Variants in DIAPH1 observed in about 807,000 individuals in gnomAD.
DIAPH1 encodes the protein diaphanous related formin 1, also known as protein diaphanous homolog 1.
In DIAPH1, 46 loss-of-function variants were observed where a neutral mutation model predicts 140.7. That is an observed-to-expected ratio of 0.33 (90% CI 0.26 to 0.42). The LOEUF is 0.42. Among genes scored for constraint, DIAPH1 ranks in the 10% least tolerant of loss-of-function variants. The probability of loss-of-function intolerance (pLI) is 1.00; values close to 1 mark genes in which losing one functional copy is unlikely to be tolerated. For synonymous variants in DIAPH1, 565 were observed against 551.6 expected (o/e 1.02, Z -0.34); for missense variants, 1,310 against 1,558.7 (o/e 0.84, Z 2.69).
intron 18 of DIAPH1, among the ~76,000 whole-genome samples, chr5:141,566,022 C>A (rs1482895695): frequency 6.6e-6 from 1 of 152,118 alleles, no homozygotes; most frequent in Non-Finnish European, 1.5e-5. Flanking sequence ...AAGAACAAAA[C>A]CCAAGCGAAT....
intron 18 of DIAPH1, among the ~76,000 whole-genome samples, chr5:141,553,637 C>G (rs1373071098): frequency 6.6e-6 from 1 of 151,756 alleles, no homozygotes; most frequent in Non-Finnish European, 1.5e-5. Flanking sequence ...GAGCAAAACT[C>G]TATCTCAAAA....
chr5:141,553,843 G>C (rs2099892132), intron 18 of DIAPH1, among the ~76,000 whole-genome samples: 1 of 152,034 alleles, frequency 6.6e-6, no homozygotes, highest in Non-Finnish European at 1.5e-5. Context: ...CAACAGTTTT[G>C]GCTTAAAACA....
intron 18 of DIAPH1, chr5:141,563,577 C>G (rs2099893922): frequency 6.6e-6 from 1 of 152,152 alleles, no homozygotes. Flanking sequence ...TTAAGTAATA[C>G]TGACCCCCCA....
chr5:141,527,699 T>TAAAAAAAAGAAAAAAAAAA lies in DIAPH1; in HGVS notation c.3149-3_3149-2insTTTTTTTTTTCTTTTTTTT. Reference sequence around the variant, plus strand: ...TCTTTTGCAAGTTTTCAGCAGAAACTAAAAAAAAAAAAAAAAAAAAAAACC... The same window carrying TAAAAAAAAGAAAAAAAAAA: ...TCTTTTGCAAGTTTTCAGCAGAAACTAAAAAAAAGAAAAAAAAAAAAAAAAAAAAAAAAAAAAAAAAACC... On this transcript the variant is annotated splice_polypyrimidine_tract_variant and splice_region_variant and intron_variant, in intron 23 of 27. Transcript: ENST00000389054. 1 of 1,130,080 alleles carries TAAAAAAAAGAAAAAAAAAA rather than the reference T, an allele frequency of 8.8e-7. No individual in the cohort carries two copies. The highest frequency in any genetic ancestry group is 1.7e-5 in the South Asian group (1 of 58,722). The allele number at this position is 1,130,080 out of a possible 1,614,324, so 70.0% of individuals were successfully genotyped here.
In DIAPH1 at chr5:141,590,830, A is replaced by G. The variant is rs554271286; in HGVS notation, c.118-2580T>C. Among the ~76,000 whole-genome samples the G allele has an allele frequency of 6.6e-5, 10 of 151,596 alleles. No individual in the cohort carries two copies. In the South Asian group the frequency reaches 2.1e-3, roughly 32 times the overall value. ...CGTCTCTCTTCCATCCATGTCTACT[A>G]GCACTACCTAAGTTCACACCATTAT... is the stretch of plus-strand genomic sequence containing the variant. On this transcript the variant is annotated intron_variant, in intron 1 of 27. Coordinates refer to ENST00000389054, the MANE Select transcript of DIAPH1 (RefSeq NM_005219.5).
At chr5:141,591,938 C>T (rs756975052) in intron 1 of DIAPH1, among the ~76,000 whole-genome samples, 1 of 150,084 alleles carries the variant, frequency 6.7e-6, no homozygotes, top group Non-Finnish European at 1.5e-5. Flanking sequence ...AAAAATTAGA[C>T]GGGTGTGGTG....
intron 1 of DIAPH1, among the ~76,000 whole-genome samples, chr5:141,597,648 C>G (rs766018706): frequency 6.6e-6 from 1 of 152,184 alleles, no homozygotes; most frequent in Non-Finnish European, 1.5e-5. Context: ...GTACAGAGAA[C>G]CACCAGCTAA....
chr5:141,546,319 C>T (rs1195785189), intron 18 of DIAPH1, among the ~76,000 whole-genome samples: 1 of 151,970 alleles, frequency 6.6e-6, no homozygotes, highest in Non-Finnish European at 1.5e-5. Flanking sequence ...GAGGCAGAGG[C>T]TGAAGTGAGC....
rs1167413532 is a variant in DIAPH1 at position 141,562,252 on chromosome 5, CTACTT to C, written c.2482+9171_2482+9175del. 3.3e-5 allele frequency among the ~76,000 whole-genome samples: 5 copies of C among 151,634 alleles called. No homozygotes were observed. In the East Asian group the frequency reaches 7.7e-4, roughly 24 times the overall value. On this transcript the variant is annotated intron_variant, in intron 18 of 27. Transcript: ENST00000389054. ...AAAAAAGAACAATTATTTCATTACT[CTACTT>C]TTGTTTTATCCTTGTGTTCATTATA...
intron 18 of DIAPH1, among the ~76,000 whole-genome samples, chr5:141,545,768 G>A (rs983669301): frequency 6.6e-6 from 1 of 152,158 alleles, no homozygotes; most frequent in Non-Finnish European, 1.5e-5. Flanking sequence ...TATATTAATA[G>A]TTTCTGTTGC....
chr5:141,516,117 G>A lies in DIAPH1; in HGVS notation c.*734C>T, dbSNP rs557696634. ...CAGTAGCCTGGGGTTGGTGCAGAGCGTCCAGAGAGGCAAGGGCATAAAGCG... is the reference window on the plus strand; with the variant it reads ...CAGTAGCCTGGGGTTGGTGCAGAGCATCCAGAGAGGCAAGGGCATAAAGCG... On this transcript the variant is annotated 3_prime_UTR_variant, in exon 28 of 28. Transcript: ENST00000389054. 91 of 156,474 alleles carry A rather than the reference G, an allele frequency of 5.8e-4. No homozygotes were observed. Among genetic ancestry groups the A allele is most frequent in the Non-Finnish European group, 8.5e-4 (60 of 70,598 alleles). 9.7% of individuals were successfully genotyped at this position (156,474 alleles called of 1,614,324 possible).
At chr5:141,544,508 G>C (rs1006672922) in intron 18 of DIAPH1, among the ~76,000 whole-genome samples, 3 of 152,050 alleles carry the variant, frequency 2.0e-5, no homozygotes, top group African/African-American at 4.8e-5. Flanking sequence ...AGATTAAAAA[G>C]TTATGACTAG....
At chr5:141,605,934 C>G (rs1347515431) in intron 1 of DIAPH1, among the ~76,000 whole-genome samples, 1 of 152,188 alleles carries the variant, frequency 6.6e-6, no homozygotes, top group African/African-American at 2.4e-5. Context: ...GAGCTGCCAA[C>G]TAAGACCAAC....
At chr5:141,557,317 T>C (rs1308621217) in intron 18 of DIAPH1, among the ~76,000 whole-genome samples, 1 of 152,118 alleles carries the variant, frequency 6.6e-6, no homozygotes, top group Non-Finnish European at 1.5e-5. Flanking sequence ...GTAAAAATAA[T>C]GGGTGGCAAA....
chr5:141,560,012 C>G (rs776198797), intron 18 of DIAPH1, among the ~76,000 whole-genome samples: 1 of 152,146 alleles, frequency 6.6e-6, no homozygotes, highest in Non-Finnish European at 1.5e-5. Context: ...CCATAATGAT[C>G]CGCAATTATT....
At chr5:141,531,104 G>A (rs2099888153) in intron 19 of DIAPH1, among the ~76,000 whole-genome samples, 1 of 152,004 alleles carries the variant, frequency 6.6e-6, no homozygotes. Flanking sequence ...ATGAAAAGAT[G>A]GCAGCCACTT....
intron 18 of DIAPH1, among the ~76,000 whole-genome samples, chr5:141,541,533 C>T (rs1312626834): frequency 6.6e-6 from 1 of 151,608 alleles, no homozygotes; most frequent in African/African-American, 2.4e-5. Flanking sequence ...ACTAAAAACA[C>T]AAAAATTAGC....
chr5:141,518,804 G>A, intron 27 of DIAPH1: 1 of 791,136 alleles, frequency 1.3e-6, no homozygotes, highest in Non-Finnish European at 2.1e-6. Context: ...TTACAAGCAT[G>A]AGTCACCACA....
chr5:141,525,083 G>C (rs1355604503), intron 26 of DIAPH1, among the ~76,000 whole-genome samples: 1 of 152,182 alleles, frequency 6.6e-6, no homozygotes, highest in African/African-American at 2.4e-5. Context: ...ACAAACCCTG[G>C]AGTCCCAGGG....
Sources: gnomAD v4.1 joint callset for allele counts (sites outside exome capture counted in the v4.1 genomes callset) on GRCh38, gnomAD v4.1.1 for gene constraint, MANE v1.5 for transcripts, NCBI Gene and HGNC (gene_info 2026-07-23, HGNC 2026-07-21) for gene names.